PDSS2: variants seen among roughly 807,000 people sequenced by gnomAD.
The protein encoded by PDSS2 is decaprenyl diphosphate synthase subunit 2, also known as all trans-polyprenyl-diphosphate synthase PDSS2.
In PDSS2, 31 loss-of-function variants were observed where a neutral mutation model predicts 44.5. The ratio of observed to expected loss-of-function variants is 0.70; its 90% confidence interval spans 0.52 to 0.94. The LOEUF is 0.94. Among genes scored for constraint, PDSS2 ranks in the 40% least tolerant of loss-of-function variants. The pLI is 0.00. For missense variants in PDSS2, 452 were observed against 482.2 expected (o/e 0.94, Z 0.59); for synonymous variants, 157 against 180.3 (o/e 0.87, Z 1.03).
chr6:107,229,095 A>G (rs550458795), intron 4 of PDSS2, among the ~76,000 whole-genome samples: 2 of 152,326 alleles, frequency 1.3e-5, no homozygotes, highest in South Asian at 4.1e-4. Context: ...ACCTCTTAGA[A>G]TATACACTTT....
chr6:107,360,322 T>C (rs1160565275), intron 1 of PDSS2, among the ~76,000 whole-genome samples: 1 of 152,210 alleles, frequency 6.6e-6, no homozygotes, highest in Non-Finnish European at 1.5e-5. Context: ...TGCTGAAGTA[T>C]AAACTGAACA....
At chr6:107,385,745 T>G (rs1779592791) in intron 1 of PDSS2, among the ~76,000 whole-genome samples, 1 of 152,158 alleles carries the variant, frequency 6.6e-6, no homozygotes, top group African/African-American at 2.4e-5. Flanking sequence ...CTCTCTTTTT[T>G]TTTTTAAATA....
chr6:107,276,286 G>C (rs1314373045), intron 2 of PDSS2, among the ~76,000 whole-genome samples: 1 of 152,116 alleles, frequency 6.6e-6, no homozygotes, highest in Non-Finnish European at 1.5e-5. Context: ...TGCCCAGCTG[G>C]ATTTCAGAAT....
intron 4 of PDSS2, among the ~76,000 whole-genome samples, chr6:107,235,795 C>T (rs1774203986): frequency 6.6e-6 from 1 of 152,260 alleles, no homozygotes; most frequent in Middle Eastern, 3.4e-3. Flanking sequence ...GTTTTCATAA[C>T]TATATTCCAT....
intron 2 of PDSS2, among the ~76,000 whole-genome samples, chr6:107,295,347 G>C (rs1356608652): frequency 4.6e-5 from 7 of 152,154 alleles, no homozygotes; most frequent in Non-Finnish European, 1.0e-4. Flanking sequence ...GATTATGAAG[G>C]ATGCCAATTA....
intron 7 of PDSS2, among the ~76,000 whole-genome samples, chr6:107,173,587 A>AAAAAAAAAAAAAAACAAAC (rs1562352144): frequency 2.0e-5 from 3 of 150,060 alleles, no homozygotes; most frequent in African/African-American, 7.4e-5. Flanking sequence ...AAAAAAAAAA[A>AAAAAAAAAAAAAAACAAAC]AAAAAAAAAA....
rs1400544138 is a variant in PDSS2 at position 107,224,614 on chromosome 6, G to C, written c.703-12332C>G. Among the ~76,000 whole-genome samples, 11 of 151,214 alleles carry C rather than the reference G, an allele frequency of 7.3e-5. No homozygotes were observed. The East Asian group carries it at 2.1e-3, about 29-fold the overall frequency. ...AGTTAGAGTAAAATATATATAGAGA[G>C]AGTAAAATATACATCTTCACTTATA... is the stretch of plus-strand genomic sequence containing the variant. On this transcript the variant is annotated intron_variant, in intron 4 of 7. Coordinates refer to ENST00000369037, the MANE Select transcript of PDSS2 (RefSeq NM_020381.4).
intron 1 of PDSS2, among the ~76,000 whole-genome samples, chr6:107,432,306 T>C (rs1781215703): frequency 6.6e-6 from 1 of 152,212 alleles, no homozygotes; most frequent in Non-Finnish European, 1.5e-5. Flanking sequence ...ATTTAACAAA[T>C]GAGCCCACTA....
chr6:107,279,696 A>T (rs908922192), intron 2 of PDSS2, among the ~76,000 whole-genome samples: 12 of 152,180 alleles, frequency 7.9e-5, no homozygotes, highest in African/African-American at 2.4e-4. Flanking sequence ...AAAAAGATTT[A>T]AAAAAATGAT....
At chr6:107,228,739 CAAACAAACA>C (rs1401957107) in intron 4 of PDSS2, among the ~76,000 whole-genome samples, 2 of 148,364 alleles carry the variant, frequency 1.3e-5, no homozygotes, top group Non-Finnish European at 3.0e-5. Context: ...AACAAACAAA[CAAACAAACA>C]AAACAAATTC....
chr6:107,383,851 C>G (rs1779526683), intron 1 of PDSS2, among the ~76,000 whole-genome samples: 1 of 152,092 alleles, frequency 6.6e-6, no homozygotes, highest in Non-Finnish European at 1.5e-5. Flanking sequence ...AATCATACAG[C>G]CAGTTTTGAA....
At chr6:107,160,685 G>T (rs1771095179) in intron 7 of PDSS2, among the ~76,000 whole-genome samples, 1 of 151,542 alleles carries the variant, frequency 6.6e-6, no homozygotes, top group Admixed American at 6.6e-5. Context: ...ATAGATATGG[G>T]CTTGGGAGTA....
At chr6:107,300,213 A>G (rs1408024677) in intron 2 of PDSS2, among the ~76,000 whole-genome samples, 3 of 152,202 alleles carry the variant, frequency 2.0e-5, no homozygotes, top group Non-Finnish European at 4.4e-5. Context: ...ATGAAGCCCC[A>G]GATGCAGTCC....
chr6:107,212,772 A>G (rs921983161), intron 4 of PDSS2, among the ~76,000 whole-genome samples: 10 of 151,330 alleles, frequency 6.6e-5, no homozygotes, highest in South Asian at 4.2e-4. Context: ...TTGGGAGGCC[A>G]AGGCAGGAGG....
chr6:107,447,385 A>G (rs918970701), intron 1 of PDSS2, among the ~76,000 whole-genome samples: 1 of 152,162 alleles, frequency 6.6e-6, no homozygotes, highest in African/African-American at 2.4e-5. Flanking sequence ...ACCTAGACAC[A>G]TCTCTCTGGG....
At position 107,269,967 on chromosome 6, in the gene PDSS2, GCCA is replaced by G. The variant is rs1200070155; in HGVS notation, c.630+4059_630+4061del. Among the ~76,000 whole-genome samples the G allele has an allele frequency of 1.1e-4, 16 of 150,538 alleles. No individual in the cohort carries two copies. In the East Asian group the frequency reaches 3.0e-3, roughly 28 times the overall value. On this transcript the variant is annotated intron_variant, in intron 3 of 7. Coordinates refer to ENST00000369037, the MANE Select transcript of PDSS2 (RefSeq NM_020381.4). ...CAGGCGTGAGCCACCGTGCCCAAAT[GCCA>G]CCAAACTTTTGATGACCCATTTAGA...
At chr6:107,388,442 T>C (rs557389921) in intron 1 of PDSS2, among the ~76,000 whole-genome samples, 33 of 149,018 alleles carry the variant, frequency 2.2e-4, no homozygotes, top group African/African-American at 8.2e-4. Flanking sequence ...AAAATGTGCA[T>C]GTGAATTTTT....
At chr6:107,378,950 G>A (rs1269278378) in intron 1 of PDSS2, among the ~76,000 whole-genome samples, 1 of 152,168 alleles carries the variant, frequency 6.6e-6, no homozygotes, top group African/African-American at 2.4e-5. Context: ...TAGCTCTGCT[G>A]ATGTTGGCTG....
At chr6:107,193,485 T>A (rs1241411379) in intron 7 of PDSS2, among the ~76,000 whole-genome samples, 8 of 152,222 alleles carry the variant, frequency 5.3e-5, no homozygotes, top group Admixed American at 5.2e-4. Flanking sequence ...TTTTTCCTCA[T>A]CACATTTGCT....
Sources: gnomAD v4.1 joint callset for allele counts (sites outside exome capture counted in the v4.1 genomes callset) on GRCh38, gnomAD v4.1.1 for gene constraint, MANE v1.5 for transcripts, NCBI Gene and HGNC (gene_info 2026-07-23, HGNC 2026-07-21) for gene names.